Variants in ST3GAL1 observed in about 807,000 individuals in gnomAD.
ST3GAL1 encodes CMP-N-acetylneuraminate-beta-galactosamide-alpha-2,3-sialyltransferase 1.
Under a neutral mutation model 34.1 loss-of-function variants are expected in ST3GAL1, and 16 were observed. That is an observed-to-expected ratio of 0.47 (90% CI 0.32 to 0.71). ST3GAL1 has a LOEUF of 0.71. Ranked by LOEUF, ST3GAL1 falls within the 30% of genes least tolerant of loss-of-function variation. ST3GAL1 has a pLI of 0.04. For synonymous variants in ST3GAL1, 191 were observed against 184.7 expected (o/e 1.03, Z -0.28); for missense variants, 353 against 447.4 (o/e 0.79, Z 1.90).
Position 133,556,817 on chromosome 8 carries a change from A to AG in ST3GAL1, c.-581-10892dup, listed in dbSNP as rs1219739936. Among the ~76,000 whole-genome samples, 1 of 152,044 alleles carries AG rather than the reference A, an allele frequency of 6.6e-6. No homozygotes were observed. The highest frequency in any genetic ancestry group is 1.5e-5 in the Non-Finnish European group (1 of 68,004). ...AGCCCTTTGAAATATGGTGTGGTGGAGGGGGGACATTTTGTTCTTTTGGCC... is the reference window on the plus strand; with the variant it reads ...AGCCCTTTGAAATATGGTGTGGTGGAGGGGGGGACATTTTGTTCTTTTGGCC... On this transcript the variant is annotated intron_variant, in intron 1 of 9. Coordinates refer to ENST00000522652, the MANE Select transcript of ST3GAL1 (RefSeq NM_173344.3). The surrounding 1 kb of genome is among the most constrained non-coding windows in gnomAD (Gnocchi z 8.9).
At position 133,541,152 on chromosome 8, in the gene ST3GAL1, G is replaced by GAC. The variant is rs1554618917; in HGVS notation, c.-429+4620_-429+4621dup. ...AGAGAGAGAGAGAGAGAGAGAGAGAGACTGTGTGTCTCTCCCTCTTTCTCA... is the reference window on the plus strand; with the variant it reads ...AGAGAGAGAGAGAGAGAGAGAGAGAGACACTGTGTGTCTCTCCCTCTTTCTCA... On this transcript the variant is annotated intron_variant, in intron 2 of 9. Coordinates refer to ENST00000522652, the MANE Select transcript of ST3GAL1 (RefSeq NM_173344.3). 4.2e-4 allele frequency among the ~76,000 whole-genome samples: 58 copies of GAC among 136,648 alleles called. 3 individuals are homozygous for GAC. In the East Asian group the frequency reaches 9.1e-3, roughly 21 times the overall value. The allele number at this position is 136,648 out of a possible 152,430, so 89.6% of individuals were successfully genotyped here. A position where few individuals can be genotyped will look rare whatever the true frequency, so the allele number is the denominator to read the frequency against.
intron 3 of ST3GAL1, among the ~76,000 whole-genome samples, chr8:133,495,974 T>C (rs750883982): frequency 6.6e-6 from 1 of 152,192 alleles, no homozygotes; most frequent in Non-Finnish European, 1.5e-5. Flanking sequence ...TATGTGCCCC[T>C]GGCCCCAGGC....
intron 5 of ST3GAL1, among the ~76,000 whole-genome samples, chr8:133,473,766 AC>A (rs1816055060): frequency 6.6e-6 from 1 of 152,154 alleles, no homozygotes; most frequent in South Asian, 2.1e-4. Flanking sequence ...GGGATGGGGC[AC>A]TCCTAGCATT....
chr8:133,507,945 T>C (rs991735906), intron 2 of ST3GAL1, among the ~76,000 whole-genome samples: 148 of 152,200 alleles, frequency 9.7e-4, no homozygotes, highest in Non-Finnish European at 1.9e-3. Flanking sequence ...AGCTCACAGC[T>C]GTCCCTTGAT....
chr8:133,563,519 A>G (rs955449086), intron 1 of ST3GAL1, among the ~76,000 whole-genome samples: 1 of 152,188 alleles, frequency 6.6e-6, no homozygotes, highest in Non-Finnish European at 1.5e-5. Flanking sequence ...CAGGTCCCCA[A>G]ATCCAAACTG....
chr8:133,482,321 T>C (rs1344636454), intron 3 of ST3GAL1, among the ~76,000 whole-genome samples: 1 of 152,186 alleles, frequency 6.6e-6, no homozygotes, highest in African/African-American at 2.4e-5. Context: ...ACAGCATCTT[T>C]TCTTTGCCTT....
intron 1 of ST3GAL1, among the ~76,000 whole-genome samples, chr8:133,552,934 A>G (rs529005368): frequency 1.3e-5 from 2 of 152,298 alleles, no homozygotes; most frequent in Admixed American, 6.5e-5. Flanking sequence ...TTTTACTCCC[A>G]TTTCACAGAT....
chr8:133,535,860 T>C (rs959063773), intron 2 of ST3GAL1, among the ~76,000 whole-genome samples: 13 of 152,216 alleles, frequency 8.5e-5, no homozygotes, highest in Non-Finnish European at 1.9e-4. Flanking sequence ...GCACACTTCA[T>C]AGACTACAGT....
At chr8:133,500,609 G>A (rs1817119676) in intron 2 of ST3GAL1, among the ~76,000 whole-genome samples, 1 of 152,136 alleles carries the variant, frequency 6.6e-6, no homozygotes, top group South Asian at 2.1e-4. Flanking sequence ...TTCACTGGCT[G>A]TACATCCTGC....
chr8:133,502,265 C>A (rs1027945427), intron 2 of ST3GAL1, among the ~76,000 whole-genome samples: 3 of 152,066 alleles, frequency 2.0e-5, no homozygotes, highest in Non-Finnish European at 4.4e-5. Flanking sequence ...AGAATTGGCC[C>A]TTGCTATGGA....
chr8:133,532,097 A>G (rs1397128000), intron 2 of ST3GAL1, among the ~76,000 whole-genome samples: 1 of 152,192 alleles, frequency 6.6e-6, no homozygotes, highest in African/African-American at 2.4e-5. Flanking sequence ...CAGATAGTAA[A>G]GGGATCTGTA....
At position 133,546,784 on chromosome 8, in the gene ST3GAL1, A is replaced by G. The variant is rs558868366; in HGVS notation, c.-581-858T>C. Among the ~76,000 whole-genome samples the G allele has an allele frequency of 4.7e-4, 72 of 152,224 alleles. 1 individual carries two copies. Among genetic ancestry groups the G allele is most frequent in the African/African-American group, 1.7e-3 (72 of 41,548 alleles). On this transcript the variant is annotated intron_variant, in intron 1 of 9. Transcript: ENST00000522652. ...GAGGCCAAGGTGGGCGGATCACTTG[A>G]GGTCAGGAGTTCAAAACCAGCCTGG...
chr8:133,466,509 T>C lies in ST3GAL1; in HGVS notation c.307-419A>G, dbSNP rs1350236406. On this transcript the variant is annotated intron_variant, in intron 5 of 9. Coordinates refer to ENST00000522652, the MANE Select transcript of ST3GAL1 (RefSeq NM_173344.3). The surrounding 1 kb of genome is among the most constrained non-coding windows in gnomAD (Gnocchi z 4.4). ...TGTCACCACTTGAAAGAGAGAAAAATAGCAGAAGCCTTCTAGCTGTGTCTT... is the reference window on the plus strand; with the variant it reads ...TGTCACCACTTGAAAGAGAGAAAAACAGCAGAAGCCTTCTAGCTGTGTCTT... Among the ~76,000 whole-genome samples, 3 of 152,062 alleles carry C rather than the reference T, an allele frequency of 2.0e-5. No homozygotes were observed. Among genetic ancestry groups the C allele is most frequent in the African/African-American group, 7.2e-5 (3 of 41,390 alleles).
intron 2 of ST3GAL1, among the ~76,000 whole-genome samples, chr8:133,529,453 A>G (rs1818080581): frequency 1.3e-5 from 2 of 152,184 alleles, no homozygotes; most frequent in Admixed American, 6.5e-5. Flanking sequence ...TGAGAGGCCC[A>G]GCTAACAGGG....
Position 133,497,455 on chromosome 8 carries a change from A to ATTTTTTTTTTTTTTTTTTT in ST3GAL1, c.-374+1679_-374+1680insAAAAAAAAAAAAAAAAAAA, listed in dbSNP as rs1816988627. 1.7e-4 allele frequency among the ~76,000 whole-genome samples: 17 copies of ATTTTTTTTTTTTTTTTTTT among 101,242 alleles called. 8 individuals carry two copies. The highest frequency in any genetic ancestry group is 1.3e-4 in the Non-Finnish European group (7 of 52,146). The allele number at this position is 101,242 out of a possible 152,430, so 66.4% of individuals were successfully genotyped here. A position where few individuals can be genotyped will look rare whatever the true frequency, so the allele number is the denominator to read the frequency against. On this transcript the variant is annotated intron_variant, in intron 3 of 9. Transcript: ENST00000522652. ...CTTCTCTCCCATGCAATTTTGTTGG[A>ATTTTTTTTTTTTTTTTTTT]ATTTTTTTTTTTTTTTTTTTTTTTT...
chr8:133,481,586 C>T (rs1337988565), intron 3 of ST3GAL1, among the ~76,000 whole-genome samples: 2 of 152,158 alleles, frequency 1.3e-5, no homozygotes, highest in Non-Finnish European at 2.9e-5. Flanking sequence ...ACCTCCACCT[C>T]CTGGGTTCAA....
In ST3GAL1 at chr8:133,466,002, A is replaced by G; in HGVS notation, c.395T>C (p.Leu132Pro). Residue 132 changes from leucine to proline, a missense_variant, in exon 6 of 10, where the codon CTG (leucine) becomes CCG (proline). Transcript: ENST00000522652. This position sits in a 1 kb window ranked among gnomAD's most constrained non-coding sequence, Gnocchi z 4.4. ...CCGGCAGCCCACCGACCTCTTCTCC[A>G]GCATAGGGTCCACATTCCCAGGCAC... ...RVVPGNVDPMLEKRSVGCRRC... is the reference protein window; with the variant it reads ...RVVPGNVDPMPEKRSVGCRRC... 2 of 1,614,222 alleles carry G rather than the reference A, an allele frequency of 1.2e-6. No individual in the cohort carries two copies. The highest frequency in any genetic ancestry group is 1.7e-6 in the Non-Finnish European group (2 of 1,180,028).
chr8:133,528,389 T>C (rs868139113), intron 2 of ST3GAL1, among the ~76,000 whole-genome samples: 1 of 152,234 alleles, frequency 6.6e-6, no homozygotes. Flanking sequence ...ATGCCTGTCC[T>C]GTGTCAGGCA....
In ST3GAL1 at chr8:133,528,945, T is replaced by G. The variant is rs60300494; in HGVS notation, c.-429+16829A>C. Reference sequence around the variant, plus strand: ...GTTAGCAAGGGTCAGTAAATACACTTGCTGGATGAATAAACAGAAAAAATG... The same window carrying G: ...GTTAGCAAGGGTCAGTAAATACACTGGCTGGATGAATAAACAGAAAAAATG... On this transcript the variant is annotated intron_variant, in intron 2 of 9. Coordinates refer to ENST00000522652, the MANE Select transcript of ST3GAL1 (RefSeq NM_173344.3). Among the ~76,000 whole-genome samples the G allele has an allele frequency of 5.7e-3, 861 of 152,338 alleles. 11 individuals carry two copies. Among genetic ancestry groups the G allele is most frequent in the African/African-American group, 0.02 (816 of 41,578 alleles).
Sources: gnomAD v4.1 joint callset for allele counts (sites outside exome capture counted in the v4.1 genomes callset) on GRCh38, gnomAD v4.1.1 for gene constraint, Gnocchi (gnomAD v3.1) non-coding constraint, MANE v1.5 for transcripts, NCBI Gene and HGNC (gene_info 2026-07-23, HGNC 2026-07-21) for gene names.